Variants in REC114 observed in about 807,000 individuals in gnomAD.
The protein encoded by REC114 is REC114 meiotic recombination protein.
Under a neutral mutation model 31.3 loss-of-function variants are expected in REC114, and 27 were observed. That is an observed-to-expected ratio of 0.86 (90% CI 0.64 to 1.19). REC114 has a LOEUF of 1.19. REC114 is among the 50% of genes most tolerant of loss of function. REC114 has a pLI of 0.00. For missense variants in REC114, 344 were observed against 326.9 expected (o/e 1.05, Z -0.40); for synonymous variants, 134 against 127.7 (o/e 1.05, Z -0.33).
At chr15:73,503,203 A>G (rs897647891) in intron 2 of REC114, among the ~76,000 whole-genome samples, 4 of 152,206 alleles carry the variant, frequency 2.6e-5, no homozygotes, top group African/African-American at 9.7e-5. Flanking sequence ...TTCACACAAA[A>G]ATTGGTTCAC....
chr15:73,527,577 C>T (rs1178545046), intron 2 of REC114, among the ~76,000 whole-genome samples: 2 of 152,150 alleles, frequency 1.3e-5, no homozygotes, highest in Non-Finnish European at 2.9e-5. Context: ...CCTGTACTGT[C>T]TATTTTCTAC....
At chr15:73,457,230 G>A (rs1426423298) in intron 1 of REC114, among the ~76,000 whole-genome samples, 1 of 152,040 alleles carries the variant, frequency 6.6e-6, no homozygotes, top group East Asian at 1.9e-4. Context: ...AATGTAAATT[G>A]TTTTCTCTAC....
chr15:73,453,490 GA>G (rs1298279081), intron 1 of REC114, among the ~76,000 whole-genome samples: 1 of 152,176 alleles, frequency 6.6e-6, no homozygotes, highest in African/African-American at 2.4e-5. Flanking sequence ...AGAGGATGTG[GA>G]GAAATAGGAA....
At chr15:73,497,592 C>G (rs1440836224) in intron 2 of REC114, among the ~76,000 whole-genome samples, 4 of 152,168 alleles carry the variant, frequency 2.6e-5, no homozygotes, top group Non-Finnish European at 5.9e-5. Context: ...TATTGTTACC[C>G]TGAGTGCCCT....
chr15:73,530,503 C>T (rs1028890974), intron 2 of REC114, among the ~76,000 whole-genome samples: 7 of 152,066 alleles, frequency 4.6e-5, no homozygotes, highest in African/African-American at 1.7e-4. Flanking sequence ...TTAAAATTAG[C>T]TGGGCATGGT....
intron 2 of REC114, among the ~76,000 whole-genome samples, chr15:73,514,924 C>G (rs1567882873): frequency 6.8e-6 from 1 of 147,610 alleles, no homozygotes; most frequent in Admixed American, 6.9e-5. Flanking sequence ...GCCTTTAACA[C>G]TCTGATTTTT....
chr15:73,456,976 G>C (rs1204099434), intron 1 of REC114, among the ~76,000 whole-genome samples: 4 of 148,890 alleles, frequency 2.7e-5, no homozygotes, highest in Admixed American at 2.0e-4. Context: ...ATAGTTCTTT[G>C]TATGCTTGAT....
chr15:73,551,046 G>A lies in REC114; in HGVS notation c.442G>A (p.Val148Met), dbSNP rs12102004. ...GCTGGCACAATACATAACCGTGCAG[G>A]TGCCTGATGGAAACATCCAGGAGCT... The part of the protein sequence containing the change: ...QKLAQYITVQ[V>M]PDGNIQELQL... The change falls in exon 4 of 6, where the codon GTG (valine) becomes ATG (methionine). Residue 148 changes from valine to methionine, a missense_variant. Coordinates refer to ENST00000331090, the MANE Select transcript of REC114 (RefSeq NM_001042367.2). 9,193 of 1,613,828 alleles carry A rather than the reference G, an allele frequency of 5.7e-3. 440 individuals carry two copies. In the African/African-American group the frequency reaches 0.1, roughly 18 times the overall value.
At chr15:73,537,417 G>C (rs77376541) in intron 2 of REC114, among the ~76,000 whole-genome samples, 1,971 of 152,294 alleles carry the variant, frequency 0.013, 47 homozygotes, top group African/African-American at 0.045. Context: ...CTGTTGAGGA[G>C]GAAGGGCACA....
At chr15:73,558,166 A>G (rs779159864) in intron 5 of REC114, among the ~76,000 whole-genome samples, 1 of 152,172 alleles carries the variant, frequency 6.6e-6, no homozygotes, top group Non-Finnish European at 1.5e-5. Flanking sequence ...CATCATATTG[A>G]GACCCCCATC....
intron 2 of REC114, among the ~76,000 whole-genome samples, chr15:73,495,430 A>G (rs1328393633): frequency 6.6e-6 from 1 of 151,638 alleles, no homozygotes; most frequent in African/African-American, 2.4e-5. Flanking sequence ...GTTATCTCTG[A>G]TATGTTCTAT....
chr15:73,505,602 G>A (rs953685525), intron 2 of REC114, among the ~76,000 whole-genome samples: 17 of 151,884 alleles, frequency 1.1e-4, no homozygotes, highest in Admixed American at 2.6e-4. Flanking sequence ...CGCGATCTCC[G>A]CTCACTGCAA....
chr15:73,557,852 T>C (rs1595885196), intron 5 of REC114, among the ~76,000 whole-genome samples: 1 of 152,254 alleles, frequency 6.6e-6, no homozygotes, highest in Admixed American at 6.5e-5. Flanking sequence ...TCTATGTAAG[T>C]TGGTAAAACC....
chr15:73,465,675 T>C (rs760054391), intron 1 of REC114, among the ~76,000 whole-genome samples: 13 of 152,208 alleles, frequency 8.5e-5, no homozygotes, highest in Non-Finnish European at 1.9e-4. Context: ...TTCCCCTGAA[T>C]GATAAAATTA....
intron 2 of REC114, among the ~76,000 whole-genome samples, chr15:73,484,997 T>A (rs943816042): frequency 6.6e-6 from 1 of 152,206 alleles, no homozygotes; most frequent in Non-Finnish European, 1.5e-5. Flanking sequence ...AATTAGTTTT[T>A]AAAAATGTCC....
chr15:73,485,403 T>C (rs150868851), intron 2 of REC114, among the ~76,000 whole-genome samples: 4 of 152,250 alleles, frequency 2.6e-5, no homozygotes, highest in Non-Finnish European at 5.9e-5. Flanking sequence ...TCAGAACCTG[T>C]CTATTCTTTG....
chr15:73,522,898 A>G (rs1208920084), intron 2 of REC114, among the ~76,000 whole-genome samples: 2 of 152,192 alleles, frequency 1.3e-5, no homozygotes, highest in Non-Finnish European at 2.9e-5. Context: ...CCAATCAGCA[A>G]TGCATGAGTG....
At chr15:73,468,395 T>C (rs944871876) in intron 1 of REC114, among the ~76,000 whole-genome samples, 1 of 152,232 alleles carries the variant, frequency 6.6e-6, no homozygotes, top group Non-Finnish European at 1.5e-5. Flanking sequence ...CATTAGTGTA[T>C]GTAAATGCAA....
chr15:73,493,766 C>T (rs1474853103), intron 2 of REC114, among the ~76,000 whole-genome samples: 1 of 152,318 alleles, frequency 6.6e-6, no homozygotes, highest in East Asian at 1.9e-4. Context: ...CAGTTTTTTG[C>T]TAGCCACAAT....
Sources: allele counts gnomAD v4.1 joint callset (sites outside exome capture counted in the v4.1 genomes callset), GRCh38; gene constraint gnomAD v4.1.1; transcripts MANE v1.5; gene names NCBI Gene and HGNC (gene_info 2026-07-23, HGNC 2026-07-21).